Variants in NRG3 observed in about 807,000 individuals in gnomAD.
The protein encoded by NRG3 is neuregulin 3, also known as pro-neuregulin-3, membrane-bound isoform.
Under a neutral mutation model 66.9 loss-of-function variants are expected in NRG3, and 31 were observed. The ratio of observed to expected loss-of-function variants is 0.46; its 90% CI spans 0.35 to 0.63. The LOEUF (loss-of-function observed/expected upper bound fraction) is 0.63. NRG3 is among the 20% of genes least tolerant of loss of function. The pLI, the probability that NRG3 is intolerant of heterozygous loss-of-function variation, is 0.00. For missense variants in NRG3, 910 were observed against 878.9 expected (o/e 1.04, Z -0.45); for synonymous variants, 393 against 359.4 (o/e 1.09, Z -1.06).
chr10:82,019,588 G>T (rs1014166636), intron 1 of NRG3, among the ~76,000 whole-genome samples: 1 of 152,080 alleles, frequency 6.6e-6, no homozygotes, highest in Non-Finnish European at 1.5e-5. Flanking sequence ...TGGTTGGTAA[G>T]CTATTAATTA....
At chr10:82,624,948 T>A (rs1270490423) in intron 2 of NRG3, among the ~76,000 whole-genome samples, 1 of 148,518 alleles carries the variant, frequency 6.7e-6, no homozygotes, top group East Asian at 1.9e-4. Flanking sequence ...AATGTGCTTT[T>A]AGTGATGCAT....
At chr10:81,986,975 A>T (rs1564714444) in intron 1 of NRG3, among the ~76,000 whole-genome samples, 1 of 152,104 alleles carries the variant, frequency 6.6e-6, no homozygotes, top group African/African-American at 2.4e-5. Context: ...TTAATATAAA[A>T]TTTCTACTAT....
chr10:82,847,745 A>T (rs1283500513), intron 3 of NRG3, among the ~76,000 whole-genome samples: 12 of 152,200 alleles, frequency 7.9e-5, no homozygotes, highest in African/African-American at 2.7e-4. Context: ...ACACTTTTGC[A>T]TTCCCAGTGC....
intron 1 of NRG3, among the ~76,000 whole-genome samples, chr10:82,040,204 C>G (rs1240883071): frequency 6.6e-6 from 1 of 151,966 alleles, no homozygotes; most frequent in Non-Finnish European, 1.5e-5. Context: ...TTTCCACATG[C>G]AGCACTAAAT....
rs1464867365 is a variant in NRG3, at chr10:82,057,119, T to C, written c.823+180956T>C. Among the ~76,000 whole-genome samples the C allele has an allele frequency of 2.0e-5, 3 of 152,178 alleles. No individual in the cohort carries two copies. The East Asian group carries it at 5.8e-4, about 29-fold the overall frequency. ...TATTATCCTTTCCTTAAAATATTTCTTTCCTATTTTCCATCACCCCTTATA... is the reference window on the plus strand; with the variant it reads ...TATTATCCTTTCCTTAAAATATTTCCTTCCTATTTTCCATCACCCCTTATA... On this transcript the variant is annotated intron_variant, in intron 1 of 8. Transcript: ENST00000372141.
chr10:82,407,656 T>C (rs1433059762), intron 2 of NRG3, among the ~76,000 whole-genome samples: 4 of 152,186 alleles, frequency 2.6e-5, no homozygotes, highest in Admixed American at 2.6e-4. Context: ...CACTGTTATT[T>C]TGCTTTTATG....
intron 2 of NRG3, among the ~76,000 whole-genome samples, chr10:82,451,783 A>C (rs370757342): frequency 2.6e-4 from 40 of 152,262 alleles, no homozygotes; most frequent in African/African-American, 9.4e-4. Flanking sequence ...ATATGCATCA[A>C]ACATTTTGAA....
chr10:82,313,392 T>C (rs1283647683), intron 1 of NRG3, among the ~76,000 whole-genome samples: 1 of 151,950 alleles, frequency 6.6e-6, no homozygotes, highest in African/African-American at 2.4e-5. Flanking sequence ...AATAAATAAA[T>C]GGAATTGTTG....
At chr10:82,267,049 G>A (rs900278937) in intron 1 of NRG3, among the ~76,000 whole-genome samples, 2 of 152,114 alleles carry the variant, frequency 1.3e-5, no homozygotes, top group Non-Finnish European at 2.9e-5. Context: ...TGGGGTCCTG[G>A]CTTCAGTGTT....
At chr10:82,319,077 A>C (rs1304100469) in intron 1 of NRG3, among the ~76,000 whole-genome samples, 1 of 152,238 alleles carries the variant, frequency 6.6e-6, no homozygotes, top group Non-Finnish European at 1.5e-5. Context: ...TTGTTATAGG[A>C]AACATATCTT....
intron 3 of NRG3, among the ~76,000 whole-genome samples, chr10:82,770,868 T>A (rs974792976): frequency 6.6e-6 from 1 of 152,062 alleles, no homozygotes; most frequent in Admixed American, 6.6e-5. Context: ...AAAAATGGAA[T>A]TCGGGTCTCC....
intron 1 of NRG3, among the ~76,000 whole-genome samples, chr10:81,905,146 A>G (rs1844467652): frequency 6.6e-6 from 1 of 152,202 alleles, no homozygotes; most frequent in African/African-American, 2.4e-5. Flanking sequence ...GGCTGGATCC[A>G]TGGTTCATGA....
intron 2 of NRG3, among the ~76,000 whole-genome samples, chr10:82,735,756 G>C (rs1026059923): frequency 4.6e-5 from 7 of 152,078 alleles, no homozygotes; most frequent in South Asian, 2.1e-4. Context: ...GGCCTGTCAG[G>C]GGGTGGGTGG....
chr10:82,838,423 G>A (rs1188881825), intron 3 of NRG3, among the ~76,000 whole-genome samples: 1 of 152,070 alleles, frequency 6.6e-6, no homozygotes. Context: ...TCATTTTATG[G>A]TGACAATAGA....
intron 2 of NRG3, among the ~76,000 whole-genome samples, chr10:82,658,070 C>G (rs1023336183): frequency 1.6e-4 from 24 of 152,056 alleles, no homozygotes; most frequent in African/African-American, 5.1e-4. Flanking sequence ...TACCTTGATT[C>G]CAAAACCAGA....
chr10:81,887,357 G>A (rs993138870), intron 1 of NRG3, among the ~76,000 whole-genome samples: 1 of 152,094 alleles, frequency 6.6e-6, no homozygotes, highest in Non-Finnish European at 1.5e-5. Flanking sequence ...GTCTGCAGAT[G>A]TTAGACAGTC....
intron 1 of NRG3, among the ~76,000 whole-genome samples, chr10:82,197,389 TA>T (rs1352743099): frequency 6.6e-6 from 1 of 152,178 alleles, no homozygotes; most frequent in Non-Finnish European, 1.5e-5. Flanking sequence ...GTGCTTTCTG[TA>T]TGGATTAGAT....
chr10:81,878,951 A>G lies in NRG3; in HGVS notation c.823+2788A>G, dbSNP rs183186394. The stretch of plus-strand genomic sequence containing the variant: ...TGACAATGAACATGCTTGCTAATGG[A>G]TAATAGGATTTTTTCAAGCAAAAGC... On this transcript the variant is annotated intron_variant, in intron 1 of 8. Transcript: ENST00000372141. 2.6e-5 allele frequency among the ~76,000 whole-genome samples: 4 copies of G among 152,282 alleles called. No individual in the cohort carries two copies. The East Asian group carries it at 7.7e-4, about 29-fold the overall frequency.
chr10:82,402,293 C>A, intron 2 of NRG3, among the ~76,000 whole-genome samples: 1 of 152,054 alleles, frequency 6.6e-6, no homozygotes, highest in East Asian at 1.9e-4. Flanking sequence ...TTCTGTTAAC[C>A]ACAATATTCA....
Sources: gnomAD v4.1 joint callset for allele counts (sites outside exome capture counted in the v4.1 genomes callset) on GRCh38, gnomAD v4.1.1 for gene constraint, MANE v1.5 for transcripts, NCBI Gene and HGNC (gene_info 2026-07-23, HGNC 2026-07-21) for gene names.